Variants in MCTP1 observed in about 807,000 individuals in gnomAD.
The protein encoded by MCTP1 is multiple C2 and transmembrane domain-containing protein 1.
MCTP1 carries 69 observed loss-of-function variants against 120.6 expected under a neutral mutation model. The ratio of observed to expected loss-of-function variants is 0.57; its 90% CI spans 0.47 to 0.70. The LOEUF is 0.70. Ranked by LOEUF, MCTP1 falls within the 30% of genes least tolerant of loss-of-function variation. The probability of loss-of-function intolerance (pLI) is 0.00; values close to 1 mark genes in which losing one functional copy is unlikely to be tolerated. For synonymous variants in MCTP1, 529 were observed against 493.1 expected, an observed-to-expected ratio of 1.07 and a Z score of -0.96; for missense variants, 1,203 against 1,248.8, an observed-to-expected ratio of 0.96 and a Z score of 0.55.
At chr5:94,839,005 T>C (rs2153191739) in intron 17 of MCTP1, among the ~76,000 whole-genome samples, 1 of 152,314 alleles carries the variant, frequency 6.6e-6, no homozygotes, top group African/African-American at 2.4e-5. Flanking sequence ...CCCAGAATAT[T>C]TAATGTCTCT....
chr5:94,737,427 G>C (rs1764532797), intron 19 of MCTP1, among the ~76,000 whole-genome samples: 1 of 152,116 alleles, frequency 6.6e-6, no homozygotes, highest in African/African-American at 2.4e-5. Flanking sequence ...CACCCAAATA[G>C]TTTGATGTCA....
chr5:94,871,530 G>T, intron 13 of MCTP1, 113 bp from the exon 14 acceptor site: 1 of 735,566 alleles, frequency 1.4e-6, no homozygotes. Context: ...TTGTAAGCAT[G>T]CTATTTGCAT....
At chr5:95,038,144 T>C (rs920009711) in intron 1 of MCTP1, 3 of 984,252 alleles carry the variant, frequency 3.0e-6, no homozygotes, top group Non-Finnish European at 3.6e-6. Context: ...TAGGATCTCA[T>C]ACACTCAGTT....
At chr5:95,283,303 T>G (rs1760469900) in intron 1 of MCTP1, among the ~76,000 whole-genome samples, 1 of 152,220 alleles carries the variant, frequency 6.6e-6, no homozygotes, top group Non-Finnish European at 1.5e-5. Context: ...GCTCCCGCTG[T>G]CCACTTGAAG....
At chr5:94,746,469 A>G (rs1766932064) in intron 19 of MCTP1, among the ~76,000 whole-genome samples, 1 of 152,250 alleles carries the variant, frequency 6.6e-6, no homozygotes, top group Admixed American at 6.5e-5. Flanking sequence ...AAGTAGTTAC[A>G]GAAAGAATAA....
chr5:95,097,104 A>AT (rs1756329814), intron 1 of MCTP1, among the ~76,000 whole-genome samples: 1 of 152,144 alleles, frequency 6.6e-6, no homozygotes, highest in South Asian at 2.1e-4. Flanking sequence ...TATATATTAA[A>AT]TTTTTAAAAA....
At chr5:94,822,730 AT>A (rs1371760423) in intron 17 of MCTP1, among the ~76,000 whole-genome samples, 1 of 152,000 alleles carries the variant, frequency 6.6e-6, no homozygotes, top group Non-Finnish European at 1.5e-5. Flanking sequence ...TGTTTCCTGA[AT>A]TTTTAATGAT....
intron 1 of MCTP1, among the ~76,000 whole-genome samples, chr5:95,092,889 G>C (rs1755954113): frequency 6.6e-6 from 1 of 152,154 alleles, no homozygotes; most frequent in Non-Finnish European, 1.5e-5. Flanking sequence ...AAGAATCTTA[G>C]GAGTATGCTT....
At chr5:94,754,706 G>A (rs570688524) in intron 19 of MCTP1, among the ~76,000 whole-genome samples, 4 of 152,298 alleles carry the variant, frequency 2.6e-5, no homozygotes, top group South Asian at 4.1e-4. Context: ...TATCCAGGCA[G>A]AAATTTCTGG....
rs568235864 is a variant in MCTP1, at chr5:94,724,240, G to C, written c.2611-9354C>G. Among the ~76,000 whole-genome samples, 9 of 152,164 alleles carry C rather than the reference G, an allele frequency of 5.9e-5. No individual in the cohort carries two copies. In the South Asian group the frequency reaches 1.9e-3, roughly 32 times the overall value. On this transcript the variant is annotated intron_variant, in intron 19 of 22. Coordinates refer to ENST00000515393, the MANE Select transcript of MCTP1 (RefSeq NM_024717.7). ...GGAGAGTTCCCTGGAGCCAAAGACT[G>C]AAGAACCCCCCAACTTTTGCTTTGA...
intron 19 of MCTP1, among the ~76,000 whole-genome samples, chr5:94,765,288 TAAAGTAG>T (rs1228986887): frequency 1.3e-5 from 2 of 152,020 alleles, no homozygotes; most frequent in East Asian, 3.9e-4. Flanking sequence ...CCAATATATA[TAAAGTAG>T]AAAGATTTCA....
intron 1 of MCTP1, among the ~76,000 whole-genome samples, chr5:95,047,668 C>T (rs748331981): frequency 6.6e-6 from 1 of 152,048 alleles, no homozygotes; most frequent in East Asian, 1.9e-4. Flanking sequence ...AAAATGGTGG[C>T]ATTTTAGTAG....
In MCTP1 at chr5:94,894,800, T is replaced by C; in HGVS notation, c.1688A>G (p.Gln563Arg). Residue 563 changes from glutamine to arginine, a missense_variant, in exon 11 of 23, where the codon CAG (glutamine) becomes CGG (arginine). Around this residue, in one of 2 missense-constraint regions of MCTP1, gnomAD observed 740 missense variants for 871.1 expected, o/e 0.85. Coordinates refer to ENST00000515393, the MANE Select transcript of MCTP1 (RefSeq NM_024717.7). Reference protein sequence around the residue: ...QVDLSALSREQTHKLELQLEE... With the variant: ...QVDLSALSRERTHKLELQLEE... ...CAGCTGCAACTCCAGCTTGTGCGTC[T>C]GTTCCCTACTGAGGGCTGACAGGTC... 6.2e-7 allele frequency: 1 copy of C among 1,609,102 alleles called. No individual in the cohort carries two copies. The highest frequency in any genetic ancestry group is 1.1e-5 in the South Asian group (1 of 90,598).
intron 17 of MCTP1, among the ~76,000 whole-genome samples, chr5:94,848,034 G>A (rs1310880569): frequency 6.6e-6 from 1 of 152,010 alleles, no homozygotes; most frequent in Non-Finnish European, 1.5e-5. Flanking sequence ...AGGGGGTGGT[G>A]AGCAGGTGGA....
intron 1 of MCTP1, among the ~76,000 whole-genome samples, chr5:95,178,316 A>ACCTGCTGATCCTGCTTATACTGAAC (rs1265405393): frequency 3.3e-5 from 5 of 152,066 alleles, no homozygotes; most frequent in Admixed American, 2.0e-4. Flanking sequence ...CTATAACCCC[A>ACCTGCTGATCCTGCTTATACTGAAC]CCCACTGCCT....
chr5:94,760,782 C>T (rs926546189), intron 19 of MCTP1, among the ~76,000 whole-genome samples: 3 of 151,914 alleles, frequency 2.0e-5, no homozygotes, highest in Admixed American at 1.3e-4. Flanking sequence ...GCTCCCCAGG[C>T]TCAAGTGATC....
intron 1 of MCTP1, among the ~76,000 whole-genome samples, chr5:95,132,584 C>T (rs1375226899): frequency 6.6e-6 from 1 of 151,908 alleles, no homozygotes; most frequent in Non-Finnish European, 1.5e-5. Context: ...TCTTACAGAT[C>T]CCTGACTCGT....
chr5:95,244,086 G>A lies in MCTP1; in HGVS notation c.720+39770C>T, dbSNP rs75489069. On this transcript the variant is annotated intron_variant, in intron 1 of 22. Coordinates refer to ENST00000515393, the MANE Select transcript of MCTP1 (RefSeq NM_024717.7). The stretch of plus-strand genomic sequence containing the variant: ...AGAGTAGAGAGAAGATATTTTTAAC[G>A]TACAGTCTCCTAAGGATAATGCCTC... Among the ~76,000 whole-genome samples the A allele has an allele frequency of 7.3e-3, 1,106 of 152,244 alleles. 12 individuals carry two copies. Among genetic ancestry groups the A allele is most frequent in the South Asian group, 0.03 (147 of 4,820 alleles).
intron 9 of MCTP1, 88 bp from the exon 10 acceptor site, chr5:94,909,469 A>G: frequency 7.4e-7 from 1 of 1,353,150 alleles, no homozygotes; most frequent in South Asian, 1.4e-5. Context: ...TTTTGGTACT[A>G]TAGTATCTAG....
Sources: gnomAD v4.1 joint callset for allele counts (sites outside exome capture counted in the v4.1 genomes callset) on GRCh38, gnomAD v4.1.1 for gene constraint, gnomAD v4.1.1 regional missense constraint, MANE v1.5 for transcripts, NCBI Gene and HGNC (gene_info 2026-07-23, HGNC 2026-07-21) for gene names.